Variants in FHIT observed in about 807,000 individuals in gnomAD.
The protein encoded by FHIT is fragile histidine triad diadenosine triphosphatase.
A neutral mutation model predicts 17.9 loss-of-function variants in FHIT; 19 were observed. The ratio of observed to expected loss-of-function variants is 1.06; its 90% CI spans 0.74 to 1.56. The LOEUF (loss-of-function observed/expected upper bound fraction) is 1.56, where lower values mean the gene tolerates loss of function less well. Ranked by LOEUF, FHIT falls within the 40% of genes most tolerant of loss-of-function variation. FHIT has a pLI of 0.00. For synonymous variants in FHIT, 81 were observed against 69.7 expected (o/e 1.16, Z -0.81); for missense variants, 248 against 189.2 (o/e 1.31, Z -1.82).
chr3:59,941,633 T>C (rs1374123857), intron 7 of FHIT, among the ~76,000 whole-genome samples: 2 of 152,164 alleles, frequency 1.3e-5, no homozygotes, highest in African/African-American at 2.4e-5. Flanking sequence ...CAAAGTGTGA[T>C]AACAGACACT....
At chr3:61,091,136 T>G (rs182379379) in intron 2 of FHIT, among the ~76,000 whole-genome samples, 38 of 152,300 alleles carry the variant, frequency 2.5e-4, no homozygotes, top group Non-Finnish European at 4.3e-4. Context: ...AATATGCACT[T>G]AACATTTTGC....
At chr3:61,231,791 A>G (rs1231865656) in intron 1 of FHIT, among the ~76,000 whole-genome samples, 1 of 152,212 alleles carries the variant, frequency 6.6e-6, no homozygotes, top group East Asian at 1.9e-4. Flanking sequence ...AACAAGTGCT[A>G]TGGAAAAAAG....
intron 3 of FHIT, among the ~76,000 whole-genome samples, chr3:60,995,046 C>T (rs964199497): frequency 1.3e-5 from 2 of 152,110 alleles, no homozygotes; most frequent in African/African-American, 4.8e-5. Flanking sequence ...ACCAGCCAGG[C>T]GCGGTGGCTC....
intron 3 of FHIT, among the ~76,000 whole-genome samples, chr3:60,957,472 T>C (rs959096624): frequency 1.3e-5 from 2 of 152,050 alleles, no homozygotes; most frequent in African/African-American, 4.8e-5. Flanking sequence ...CTCCTGACCT[T>C]GTGATCCACC....
intron 2 of FHIT, among the ~76,000 whole-genome samples, chr3:61,156,391 C>T (rs149316279): frequency 1.3e-5 from 2 of 151,854 alleles, no homozygotes; most frequent in African/African-American, 4.8e-5. Flanking sequence ...CTAAGGGAGG[C>T]CCCGGTTATC....
In FHIT at chr3:60,544,594, C is replaced by T. The variant is rs949855658; in HGVS notation, c.-17-7615G>A. On this transcript the variant is annotated intron_variant, in intron 4 of 9. Transcript: ENST00000492590. ...TGAAGTTGGCCAATAATTTCTCAAC[C>T]TATTTTTTTTTTTTTTTTTTTGAGA... is the stretch of plus-strand genomic sequence containing the variant. Among the ~76,000 whole-genome samples, 609 of 77,174 alleles carry T rather than the reference C, an allele frequency of 7.9e-3. 5 individuals carry two copies. The highest frequency in any genetic ancestry group is 0.011 in the Non-Finnish European group (434 of 39,660). 50.6% of individuals were successfully genotyped at this position (77,174 alleles called of 152,430 possible).
At chr3:60,792,190 A>G (rs1456026131) in intron 4 of FHIT, among the ~76,000 whole-genome samples, 1 of 152,212 alleles carries the variant, frequency 6.6e-6, no homozygotes, top group Non-Finnish European at 1.5e-5. Flanking sequence ...TGATTTAGAC[A>G]CCGTTTTCTC....
intron 4 of FHIT, among the ~76,000 whole-genome samples, chr3:60,744,176 T>G (rs2363683): frequency 0.92 from 137,683 of 149,390 alleles, 63,587 homozygotes; most frequent in East Asian, 1. Flanking sequence ...TCCACAGCAG[T>G]CTACTGACGA....
At chr3:61,083,545 G>A (rs972959030) in intron 2 of FHIT, among the ~76,000 whole-genome samples, 1 of 152,088 alleles carries the variant, frequency 6.6e-6, no homozygotes, top group East Asian at 1.9e-4. Flanking sequence ...AGCCGAGATC[G>A]CGCCACTGCA....
intron 5 of FHIT, among the ~76,000 whole-genome samples, chr3:60,177,988 A>T (rs989383165): frequency 1.3e-5 from 2 of 152,228 alleles, no homozygotes; most frequent in African/African-American, 2.4e-5. Context: ...CTCAATGCTG[A>T]GAGTCCTAGC....
intron 4 of FHIT, among the ~76,000 whole-genome samples, chr3:60,744,258 C>CAAAAAAAAAA (rs371224955): frequency 1.0e-5 from 1 of 95,642 alleles, no homozygotes; most frequent in Non-Finnish European, 2.1e-5. Flanking sequence ...AAAAAAAAAA[C>CAAAAAAAAAA]AAAACAAAAC....
At chr3:60,143,919 G>C (rs1303982503) in intron 5 of FHIT, among the ~76,000 whole-genome samples, 1 of 152,108 alleles carries the variant, frequency 6.6e-6, no homozygotes, top group East Asian at 1.9e-4. Flanking sequence ...AAATTAACTG[G>C]GAGGTGGGGT....
intron 8 of FHIT, among the ~76,000 whole-genome samples, chr3:59,883,959 T>C (rs1175554075): frequency 1.3e-5 from 2 of 152,250 alleles, no homozygotes; most frequent in East Asian, 1.9e-4. Context: ...ACTCATATGA[T>C]TGACAAATGA....
rs530007174 is a variant in FHIT at position 60,389,626 on chromosome 3, C to G, written c.103+147234G>C. On this transcript the variant is annotated intron_variant, in intron 5 of 9. Transcript: ENST00000492590. ...GGGCCACAAGTGACCCATCACTTCA[C>G]CTGTAAGAGCAAATTAATTACCCCT... Among the ~76,000 whole-genome samples the G allele has an allele frequency of 2.6e-4, 40 of 152,246 alleles. 2 individuals carry two copies. The South Asian group carries it at 8.1e-3, about 31-fold the overall frequency.
At chr3:61,206,175 A>T (rs1259110644) in intron 1 of FHIT, among the ~76,000 whole-genome samples, 1 of 134,934 alleles carries the variant, frequency 7.4e-6, no homozygotes, top group East Asian at 2.3e-4. Flanking sequence ...CCATTGATCT[A>T]TATCTCTGTT....
intron 5 of FHIT, among the ~76,000 whole-genome samples, chr3:60,349,485 T>A (rs1264693292): frequency 6.6e-6 from 1 of 152,224 alleles, no homozygotes; most frequent in Non-Finnish European, 1.5e-5. Flanking sequence ...TAAAAGGTAA[T>A]AATCAGACCA....
In FHIT at chr3:59,800,414, T is replaced by C. The variant is rs1458361606; in HGVS notation, c.349-48093A>G. Among the ~76,000 whole-genome samples, 4 of 152,326 alleles carry C rather than the reference T, an allele frequency of 2.6e-5. No homozygotes were observed. In the South Asian group the frequency reaches 8.3e-4, roughly 32 times the overall value. ...CCTGCTTTATGGTAAAAAGAAGCTATTGCAAATTTCTGCAAAGCTCAAAGA... is the reference window on the plus strand; with the variant it reads ...CCTGCTTTATGGTAAAAAGAAGCTACTGCAAATTTCTGCAAAGCTCAAAGA... On this transcript the variant is annotated intron_variant, in intron 8 of 9. Transcript: ENST00000492590.
intron 5 of FHIT, among the ~76,000 whole-genome samples, chr3:60,372,561 CA>C (rs1479866807): frequency 1.3e-5 from 2 of 152,072 alleles, no homozygotes; most frequent in South Asian, 4.1e-4. Flanking sequence ...TGGTCCAAGA[CA>C]AAAAGAGTCA....
intron 5 of FHIT, among the ~76,000 whole-genome samples, chr3:60,173,915 A>ATATATATATATTT: frequency 7.5e-5 from 5 of 66,438 alleles, no homozygotes; most frequent in South Asian, 4.6e-4. Flanking sequence ...ATATATATAT[A>ATATATATATATTT]TGTTTTTTTT....
Sources: allele counts gnomAD v4.1 joint callset (sites outside exome capture counted in the v4.1 genomes callset), GRCh38; gene constraint gnomAD v4.1.1; transcripts MANE v1.5; gene names NCBI Gene and HGNC (gene_info 2026-07-23, HGNC 2026-07-21).